The following TTN variants were observed in gnomAD, a reference collection of about 807,000 sequenced individuals.
TTN encodes the protein connectin.
TTN carries 1,525 observed loss-of-function variants against 3,223.0 expected under a neutral mutation model. The ratio of observed to expected loss-of-function variants is 0.47; its 90% CI spans 0.45 to 0.49. The LOEUF is 0.49. Ranked by LOEUF, TTN falls within the 20% of genes least tolerant of loss-of-function variation. The pLI is 0.00. For synonymous variants in TTN, 14,094 were observed against 15,161.0 expected (o/e 0.93, Z 5.17); for missense variants, 40,786 against 43,424.0 (o/e 0.94, Z 5.40).
Position 178,565,605 on chromosome 2 carries a change from A to G in TTN, c.80527T>C (p.Leu26843=), listed in dbSNP as rs142004835. Residue 26843 remains leucine, a synonymous_variant, in exon 326 of 363, where the codon TTG becomes CTG. Transcript: ENST00000589042. Reference sequence around the variant, plus strand: ...AACTGATATTCTTGTCCAGAACTCAAACCAGTAACAACTGCATTACAGACT... The same window carrying G: ...AACTGATATTCTTGTCCAGAACTCAGACCAGTAACAACTGCATTACAGACT... ...SKVCNAVVTG[L]SSGQEYQFRV... is the part of the protein sequence containing the mutation. 2.5e-5 allele frequency: 40 copies of G among 1,613,622 alleles called. No individual in the cohort carries two copies. The African/African-American group carries it at 3.6e-4, about 15-fold the overall frequency.
intron 47 of TTN, chr2:178,747,379 A>G: frequency 6.2e-7 from 1 of 1,613,386 alleles, no homozygotes; most frequent in Non-Finnish European, 8.5e-7. Flanking sequence ...CTGAAGGATT[A>G]AAATATAAGT....
intron 72 of TTN, 50 bp downstream of exon 72, chr2:178,724,210 C>CTTGTAAAAGGAAT (rs761578382): frequency 6.3e-7 from 1 of 1,583,698 alleles, no homozygotes; most frequent in Non-Finnish European, 8.6e-7. Flanking sequence ...AAGAAGGAAA[C>CTTGTAAAAGGAAT]TTGTAAAAGG....
intron 47 of TTN, chr2:178,749,022 T>C (rs1238491074): frequency 6.2e-7 from 1 of 1,612,650 alleles, no homozygotes; most frequent in Non-Finnish European, 8.5e-7. Context: ...AATTCGATAA[T>C]TCTATGCTTC....
In TTN at chr2:178,574,717, A is replaced by C; in HGVS notation, c.71415T>G (p.Asn23805Lys). The C allele has an allele frequency of 6.2e-7, 1 of 1,613,254 alleles. No homozygotes were observed. The highest frequency in any genetic ancestry group is 8.5e-7 in the Non-Finnish European group (1 of 1,179,532). ...TGATGCCTGGTCCAACTCCATATCT[A>C]TTCTGAGCTTTTACACGGAACTGAT... ...LEYQFRVKAQ[N>K]RYGVGPGITS... Residue 23805 changes from asparagine (N) to lysine (K), a missense_variant, in exon 326 of 363, where the codon AAT becomes AAG. Coordinates refer to ENST00000589042, the MANE Select transcript of TTN (RefSeq NM_001267550.2).
intron 47 of TTN, chr2:178,749,260 A>G (rs768980188): frequency 2.5e-6 from 4 of 1,611,684 alleles, no homozygotes; most frequent in Non-Finnish European, 3.4e-6. Flanking sequence ...CAACAAATGG[A>G]TAAACAGTAC....
Position 178,547,889 on chromosome 2 carries a change from T to C in TTN, c.93737A>G (p.Lys31246Arg), listed in dbSNP as rs775611779. 1.3e-5 allele frequency: 21 copies of C among 1,613,714 alleles called. No individual in the cohort carries two copies. The highest frequency in any genetic ancestry group is 1.7e-5 in the Non-Finnish European group (20 of 1,179,832). ...DVPISGRPAP[K>R]VTWKLEEMRL... is the part of the protein sequence containing the mutation. ...CATTTCTTCCAGTTTCCATGTTACT[T>C]TGGGGGCAGGACGACCACTGATTGG... is the stretch of plus-strand genomic sequence containing the variant. The change falls in exon 339 of 363, where the codon AAA (lysine) becomes AGA (arginine). Residue 31246 changes from lysine to arginine, a missense_variant. Lys to Arg is a conservative substitution (Grantham distance 26). Transcript: ENST00000589042.
chr2:178,560,351 C>G lies in TTN; in HGVS notation c.85781G>C (p.Ser28594Thr), dbSNP rs1703174198. 6.2e-7 allele frequency: 1 copy of G among 1,613,692 alleles called. No homozygotes were observed. Among genetic ancestry groups the G allele is most frequent in the East Asian group, 2.2e-5 (1 of 44,818 alleles). The change falls in exon 326 of 363, where the codon AGC becomes ACC. Residue 28594 changes from serine to threonine, a missense_variant. Physicochemically the swap from Ser to Thr is moderately conservative, Grantham distance 58. Coordinates refer to ENST00000589042, the MANE Select transcript of TTN (RefSeq NM_001267550.2). ...GYIIERREKN[S>T]LRWVRVNKKP... Reference sequence around the variant, plus strand: ...TTTGTTTACACGCACCCATCTTAGGCTATTTTTCTCTCGCCTTTCAATTAT... The same window carrying G: ...TTTGTTTACACGCACCCATCTTAGGGTATTTTTCTCTCGCCTTTCAATTAT...
In TTN at chr2:178,614,655, C is replaced by T; in HGVS notation, c.48859G>A (p.Glu16287Lys). ...ELPATVTGKP[E>K]PKITWTKADM... The stretch of plus-strand genomic sequence containing the variant: ...GCCTTTGTCCAAGTTATTTTAGGTT[C>T]AGGTTTTCCGGTTACGGTGGCAGGA... Residue 16287 changes from glutamate (E) to lysine (K), a missense_variant, in exon 261 of 363, where the codon GAA (glutamate) becomes AAA (lysine). Coordinates refer to ENST00000589042, the MANE Select transcript of TTN (RefSeq NM_001267550.2). 6.2e-7 allele frequency: 1 copy of T among 1,612,336 alleles called. No individual in the cohort carries two copies. Among genetic ancestry groups the T allele is most frequent in the Non-Finnish European group, 8.5e-7 (1 of 1,179,090 alleles).
In TTN at chr2:178,683,190, CTTA is replaced by C; in HGVS notation, c.32887+18_32887+20del. On this transcript the variant is annotated intron_variant, in intron 134 of 362. Transcript: ENST00000589042. ...CCAGATAGTTTCATGCCTCACATTA[CTTA>C]ATCAAAGTTCAATATACCTTTGATG... 6.7e-7 allele frequency: 1 copy of C among 1,494,992 alleles called. No homozygotes were observed. Among genetic ancestry groups the C allele is most frequent in the African/African-American group, 1.4e-5 (1 of 72,084 alleles). The allele number at this position is 1,494,992 out of a possible 1,614,324, so 92.6% of individuals were successfully genotyped here. A position where few individuals can be genotyped will look rare whatever the true frequency, so the allele number is the denominator to read the frequency against.
In TTN at chr2:178,728,095, T is replaced by C; in HGVS notation, c.19714+15A>G. ...TTCGCAAGGAAGAATCAAGAAGAGG[T>C]AAAGAAATTCTAACCTTTCACAGTT... On this transcript the variant is annotated intron_variant, in intron 67 of 362. Transcript: ENST00000589042. The C allele has an allele frequency of 6.5e-7, 1 of 1,538,680 alleles. No individual in the cohort carries two copies. The highest frequency in any genetic ancestry group is 1.4e-5 in the African/African-American group (1 of 72,514).
intron 151 of TTN, among the ~76,000 whole-genome samples, 184 bp from the exon 152 acceptor site, chr2:178,673,894 A>G (rs988395943): frequency 2.0e-5 from 3 of 151,844 alleles, no homozygotes; most frequent in African/African-American, 7.2e-5. Context: ...TAGAAATCCT[A>G]TAAGCAAATG....
rs2093665226 is a variant in TTN, at chr2:178,794,418, A to G, written c.1379T>C (p.Ile460Thr). 4 of 1,614,048 alleles carry G rather than the reference A, an allele frequency of 2.5e-6. No individual in the cohort carries two copies. The South Asian group carries it at 4.4e-5, about 18-fold the overall frequency. ...AQRTTTTAVH[I>T]QPAQEQVRKE... ...ACGTACCTGTTCTTGAGCAGGTTGG[A>G]TGTGCACAGCAGTCGTGGTTGTCCT... The change falls in exon 8 of 363, where the codon ATC becomes ACC. Residue 460 changes from isoleucine to threonine, a missense_variant. Transcript: ENST00000589042.
In TTN at chr2:178,631,292, G is replaced by T; in HGVS notation, c.43756C>A (p.Pro14586Thr). 1 of 1,606,750 alleles carries T rather than the reference G, an allele frequency of 6.2e-7. No individual in the cohort carries two copies. The change falls in exon 237 of 363, where the codon CCA becomes ACA. Residue 14586 changes from proline to threonine, a missense_variant. Physicochemically the swap from Pro to Thr is conservative, Grantham distance 38. Transcript: ENST00000589042. ...EAKLTVLEGD[P>T]YFTGKLQDYT... ...TCTTGAAGTTTTCCTGTAAAATATG[G>T]GTCTCCCTCTGCAAGTAAAGTATAA...
chr2:178,582,504 T>A lies in TTN; in HGVS notation c.65952A>T (p.Gly21984=). ...CAATATAGTTGGTGATTTCTGAGCC[T>A]CCATCTTCAAGAGGCGGTTCCCAAG... ...MLSWEPPLED[G]GSEITNYIVD... Residue 21984 remains glycine, a synonymous_variant, in exon 314 of 363, where the codon GGA becomes GGT. Coordinates refer to ENST00000589042, the MANE Select transcript of TTN (RefSeq NM_001267550.2). The A allele has an allele frequency of 6.2e-7, 1 of 1,612,962 alleles. No individual in the cohort carries two copies. Among genetic ancestry groups the A allele is most frequent in the Non-Finnish European group, 8.5e-7 (1 of 1,179,306 alleles).
intron 155 of TTN, 34 bp downstream of exon 155, chr2:178,671,937 T>C (rs978328907): frequency 1.3e-6 from 2 of 1,572,030 alleles, no homozygotes; most frequent in Non-Finnish European, 1.7e-6. Flanking sequence ...GAGCAAGATA[T>C]AAGAATTTGT....
chr2:178,707,409 A>T, intron 100 of TTN, 117 bp downstream of exon 100: 1 of 1,259,044 alleles, frequency 7.9e-7, no homozygotes, highest in African/African-American at 1.5e-5. Context: ...CAAATTGCAG[A>T]TGAGCAACAA....
At chr2:178,802,381 C>T in intron 2 of TTN, 40 bp from the exon 3 acceptor site, 1 of 1,588,286 alleles carries the variant, frequency 6.3e-7, no homozygotes, top group African/African-American at 1.3e-5. Context: ...TTTGAATGGG[C>T]ACCACAAAGT....
Position 178,533,176 on chromosome 2 carries a change from G to C in TTN, c.103439C>G (p.Thr34480Ser), listed in dbSNP as rs1287841473. The change falls in exon 358 of 363, where the codon ACC becomes AGC. Residue 34480 changes from threonine (T) to serine (S), a missense_variant. Coordinates refer to ENST00000589042, the MANE Select transcript of TTN (RefSeq NM_001267550.2). ...ERHVQKQIDK[T>S]LRMAEILSGT... ...AGAAAGAATTTCAGCCATTCTGAGG[G>C]TTTTGTCAATTTGTTTTTGTACGTG... The C allele has an allele frequency of 6.2e-7, 1 of 1,613,944 alleles. No individual in the cohort carries two copies. Among genetic ancestry groups the C allele is most frequent in the East Asian group, 2.2e-5 (1 of 44,882 alleles).
chr2:178,575,531 G>A lies in TTN; in HGVS notation c.70601C>T (p.Ser23534Phe). 1.2e-6 allele frequency: 2 copies of A among 1,613,672 alleles called. No homozygotes were observed. The highest frequency in any genetic ancestry group is 1.7e-6 in the Non-Finnish European group (2 of 1,179,668). The change falls in exon 326 of 363, where the codon TCT (serine) becomes TTT (phenylalanine). Residue 23534 changes from serine (S) to phenylalanine (F), a missense_variant. Physicochemically the swap from Ser to Phe is radical, Grantham distance 155. Coordinates refer to ENST00000589042, the MANE Select transcript of TTN (RefSeq NM_001267550.2). The surrounding 1 kb of genome is among the most constrained non-coding windows in gnomAD (Gnocchi z 4.0). ...CATGATGTTAAGGCTGTCTGGTGGAGATGGTGCTTCAGAGGCTTTTACGGG... is the reference window on the plus strand; with the variant it reads ...CATGATGTTAAGGCTGTCTGGTGGAAATGGTGCTTCAGAGGCTTTTACGGG... ...TEPVKASEAP[S>F]PPDSLNIMDI... is the part of the protein sequence containing the mutation.
Sources: gnomAD v4.1 joint callset for allele counts (sites outside exome capture counted in the v4.1 genomes callset) on GRCh38, gnomAD v4.1.1 for gene constraint, Gnocchi (gnomAD v3.1) non-coding constraint, MANE v1.5 for transcripts, NCBI Gene and HGNC (gene_info 2026-07-23, HGNC 2026-07-21) for gene names.